The following CNTNAP2 variants were observed in gnomAD, a reference collection of about 807,000 sequenced individuals.
CNTNAP2 encodes contactin-associated protein-like 2.
A neutral mutation model predicts 155.2 loss-of-function variants in CNTNAP2; 98 were observed. The observed-to-expected ratio is 0.63, with a 90% CI of 0.54 to 0.75. The LOEUF (loss-of-function observed/expected upper bound fraction) is 0.75, where lower values mean the gene tolerates loss of function less well. Among genes scored for constraint, CNTNAP2 ranks in the 30% least tolerant of loss-of-function variants. CNTNAP2 has a pLI of 0.00. For missense variants in CNTNAP2, 1,727 were observed against 1,688.1 expected (o/e 1.02, Z -0.40); for synonymous variants, 651 against 631.2 (o/e 1.03, Z -0.47).
At chr7:148,118,021 C>T in intron 15 of CNTNAP2, 97 bp from the exon 16 acceptor site, 1 of 1,253,486 alleles carries the variant, frequency 8.0e-7, no homozygotes, top group Non-Finnish European at 1.2e-6. Flanking sequence ...ATGACTATTG[C>T]TAATGGTACT....
intron 2 of CNTNAP2, among the ~76,000 whole-genome samples, chr7:146,785,822 GA>G (rs1431506955): frequency 6.6e-6 from 1 of 152,178 alleles, no homozygotes; most frequent in African/African-American, 2.4e-5. Context: ...GGATAATGTT[GA>G]GCTGATAAAG....
intron 3 of CNTNAP2, among the ~76,000 whole-genome samples, chr7:146,867,344 A>G (rs1009701793): frequency 6.6e-6 from 1 of 152,132 alleles, no homozygotes; most frequent in Non-Finnish European, 1.5e-5. Context: ...TGCAAAAGAC[A>G]TGATCTTGTT....
intron 1 of CNTNAP2, among the ~76,000 whole-genome samples, chr7:146,750,753 A>G (rs1157607622): frequency 6.6e-6 from 1 of 152,160 alleles, no homozygotes; most frequent in Non-Finnish European, 1.5e-5. Context: ...TAGTGATTGT[A>G]TCTTTTCTCT....
intron 8 of CNTNAP2, among the ~76,000 whole-genome samples, chr7:147,148,039 C>T (rs557709060): frequency 7.0e-4 from 107 of 152,178 alleles, no homozygotes; most frequent in African/African-American, 2.0e-3. Flanking sequence ...TAGATAAATA[C>T]ATAAAACATT....
intron 1 of CNTNAP2, among the ~76,000 whole-genome samples, chr7:146,454,885 T>C (rs1340514650): frequency 2.0e-5 from 3 of 152,130 alleles, no homozygotes; most frequent in African/African-American, 7.2e-5. Flanking sequence ...ATGGAAAAAT[T>C]GTATTATACT....
rs190719724 is a variant in CNTNAP2 at position 146,332,626 on chromosome 7, A to G, written c.97+215653A>G. Among the ~76,000 whole-genome samples the G allele has an allele frequency of 6.6e-5, 10 of 152,328 alleles. No homozygotes were observed. In the East Asian group the frequency reaches 1.9e-3, roughly 29 times the overall value. ...TAGAGAAATTTCCAAATAGAAAGCTATATCTATGAAAGTCAAAGTGAATCG... is the reference window on the plus strand; with the variant it reads ...TAGAGAAATTTCCAAATAGAAAGCTGTATCTATGAAAGTCAAAGTGAATCG... On this transcript the variant is annotated intron_variant, in intron 1 of 23. Transcript: ENST00000361727.
chr7:147,016,398 T>TC (rs1798723815), intron 3 of CNTNAP2, among the ~76,000 whole-genome samples: 1 of 152,042 alleles, frequency 6.6e-6, no homozygotes, highest in Non-Finnish European at 1.5e-5. Context: ...TATTCAAATC[T>TC]CCCCTCTTGT....
intron 15 of CNTNAP2, among the ~76,000 whole-genome samples, chr7:148,114,607 A>G (rs1470132007): frequency 6.6e-6 from 1 of 152,194 alleles, no homozygotes; most frequent in African/African-American, 2.4e-5. Context: ...ATAATAAAAA[A>G]ATCCCAGAGA....
intron 1 of CNTNAP2, among the ~76,000 whole-genome samples, chr7:146,243,196 T>C (rs2116930403): frequency 6.6e-6 from 1 of 152,300 alleles, no homozygotes; most frequent in East Asian, 1.9e-4. Flanking sequence ...CGATCAAAAT[T>C]GATTCTCAAG....
chr7:147,829,006 C>T (rs1798505413), intron 13 of CNTNAP2, among the ~76,000 whole-genome samples: 1 of 152,094 alleles, frequency 6.6e-6, no homozygotes, highest in Non-Finnish European at 1.5e-5. Flanking sequence ...TTTGATATGA[C>T]CTAATTTCAC....
At chr7:146,601,730 G>C (rs532122028) in intron 1 of CNTNAP2, among the ~76,000 whole-genome samples, 32 of 152,080 alleles carry the variant, frequency 2.1e-4, no homozygotes, top group South Asian at 1.2e-3. Flanking sequence ...TCAATAAATA[G>C]AACAGTATGA....
chr7:147,271,021 A>G (rs1352505939), intron 8 of CNTNAP2, among the ~76,000 whole-genome samples: 1 of 152,200 alleles, frequency 6.6e-6, no homozygotes, highest in Non-Finnish European at 1.5e-5. Flanking sequence ...AGTCAGCTTC[A>G]GAATGGATTT....
intron 13 of CNTNAP2, among the ~76,000 whole-genome samples, chr7:147,840,298 C>T (rs866424504): frequency 6.6e-6 from 1 of 152,046 alleles, no homozygotes; most frequent in Non-Finnish European, 1.5e-5. Context: ...CACTTTTACC[C>T]CCTAAATCTA....
intron 15 of CNTNAP2, among the ~76,000 whole-genome samples, chr7:147,979,115 T>C (rs1342980114): frequency 2.6e-5 from 4 of 152,200 alleles, no homozygotes; most frequent in Non-Finnish European, 5.9e-5. Context: ...ACTTAGTAAA[T>C]TGAGGTTGTC....
At chr7:147,266,936 T>G (rs1046029152) in intron 8 of CNTNAP2, among the ~76,000 whole-genome samples, 3 of 152,224 alleles carry the variant, frequency 2.0e-5, no homozygotes, top group African/African-American at 7.2e-5. Context: ...GATAGTGTTA[T>G]GATTAAATGG....
intron 18 of CNTNAP2, among the ~76,000 whole-genome samples, chr7:148,215,839 G>A (rs1288208618): frequency 6.6e-6 from 1 of 152,156 alleles, no homozygotes; most frequent in African/African-American, 2.4e-5. Context: ...CCAGGCGTCG[G>A]ACTTCGCTGC....
At chr7:146,485,693 G>C (rs1317660885) in intron 1 of CNTNAP2, among the ~76,000 whole-genome samples, 1 of 151,932 alleles carries the variant, frequency 6.6e-6, no homozygotes, top group Non-Finnish European at 1.5e-5. Flanking sequence ...TGCGATCTTG[G>C]CTCACTGCAG....
chr7:147,939,339 TA>T (rs1800673710), intron 14 of CNTNAP2, among the ~76,000 whole-genome samples: 1 of 151,572 alleles, frequency 6.6e-6, no homozygotes, highest in South Asian at 2.1e-4. Flanking sequence ...TTTTTTTTTT[TA>T]ATTTTATTTT....
chr7:146,979,531 C>A (rs1797974771), intron 3 of CNTNAP2, among the ~76,000 whole-genome samples: 1 of 152,152 alleles, frequency 6.6e-6, no homozygotes, highest in African/African-American at 2.4e-5. Flanking sequence ...GGTTTCACAG[C>A]CTTTGTGTCT....
Sources: allele counts gnomAD v4.1 joint callset (sites outside exome capture counted in the v4.1 genomes callset), GRCh38; gene constraint gnomAD v4.1.1; transcripts MANE v1.5; gene names NCBI Gene and HGNC (gene_info 2026-07-23, HGNC 2026-07-21).